DNAH14: variants seen among roughly 807,000 people sequenced by gnomAD.
The protein encoded by DNAH14 is dynein axonemal heavy chain 14.
A neutral mutation model predicts 520.9 loss-of-function variants in DNAH14; 478 were observed. The ratio of observed to expected loss-of-function variants is 0.92; its 90% CI spans 0.85 to 0.99. The LOEUF (loss-of-function observed/expected upper bound fraction) is 0.99, where lower values mean the gene tolerates loss of function less well. Ranked by LOEUF, DNAH14 falls within the 50% of genes least tolerant of loss-of-function variation. The pLI is 0.00. For missense variants in DNAH14, 4,831 were observed against 5,234.5 expected (o/e 0.92, Z 2.38); for synonymous variants, 1,581 against 1,757.2 (o/e 0.90, Z 2.51).
At position 225,324,803 on chromosome 1, in the gene DNAH14, C is replaced by T. The variant is rs1034741407; in HGVS notation, c.9694C>T (p.Leu3232Phe). Residue 3232 changes from leucine to phenylalanine, a missense_variant, in exon 64 of 86, where the codon CTT becomes TTT. Coordinates refer to ENST00000682510, the MANE Select transcript of DNAH14 (RefSeq NM_001367479.1). ...QNVLKIARQRLAEKQRGLQLV... is the reference protein window; with the variant it reads ...QNVLKIARQRFAEKQRGLQLV... ...CGTCCTTAAAATTGCGCGACAAAGA[C>T]TTGCTGAGAAACAAAGAGGTTTACA... is the stretch of plus-strand genomic sequence containing the variant. 2.0e-5 allele frequency: 31 copies of T among 1,551,314 alleles called. No individual in the cohort carries two copies. Among genetic ancestry groups the T allele is most frequent in the Non-Finnish European group, 2.7e-5 (31 of 1,146,912 alleles).
rs2095080144 is a variant in DNAH14 at position 225,337,421 on chromosome 1, G to T, written c.10236G>T (p.Lys3412Asn). 6.4e-7 allele frequency: 1 copy of T among 1,551,572 alleles called. No individual in the cohort carries two copies. The highest frequency in any genetic ancestry group is 1.4e-5 in the African/African-American group (1 of 73,006). The change falls in exon 67 of 86, where the codon AAG becomes AAT. Residue 3412 changes from lysine (K) to asparagine (N), a missense_variant. Transcript: ENST00000682510. ...IRQMEGSRLQ[K>N]LSIEDSNYTK... ...AGATGGAAGGATCCAGGCTGCAGAA[G>T]CTCTCCATTGAAGACAGCAATTATA...
At chr1:224,994,343 A>G (rs1356529862) in intron 8 of DNAH14, among the ~76,000 whole-genome samples, 1 of 151,992 alleles carries the variant, frequency 6.6e-6, no homozygotes, top group Non-Finnish European at 1.5e-5. Context: ...TTTGCTTGAT[A>G]TATTTAAGGT....
chr1:224,947,019 G>C (rs959221616), intron 1 of DNAH14, among the ~76,000 whole-genome samples: 2 of 150,162 alleles, frequency 1.3e-5, no homozygotes, highest in African/African-American at 2.5e-5. Context: ...CCAGGTTCCA[G>C]TGATTCTCCT....
At chr1:225,070,047 A>T (rs182557574) in intron 17 of DNAH14, among the ~76,000 whole-genome samples, 3 of 151,966 alleles carry the variant, frequency 2.0e-5, no homozygotes, top group Non-Finnish European at 4.4e-5. Context: ...GGGGTCAGTG[A>T]TAATATCTCA....
chr1:225,027,318 C>T (rs879683094), intron 11 of DNAH14, among the ~76,000 whole-genome samples: 2 of 152,078 alleles, frequency 1.3e-5, no homozygotes, highest in Admixed American at 6.6e-5. Flanking sequence ...AAGCGAACAT[C>T]CCTGTCTTGT....
At chr1:225,136,848 C>CCTTATCATT (rs2078989919) in intron 27 of DNAH14, among the ~76,000 whole-genome samples, 1 of 152,228 alleles carries the variant, frequency 6.6e-6, no homozygotes, top group East Asian at 1.9e-4. Flanking sequence ...TTTGTTCATT[C>CCTTATCATT]CTTATCATTC....
At chr1:225,210,115 G>C (rs568164878) in intron 41 of DNAH14, among the ~76,000 whole-genome samples, 1 of 147,578 alleles carries the variant, frequency 6.8e-6, no homozygotes, top group South Asian at 2.3e-4. Flanking sequence ...GTTTTTCTTC[G>C]TACCCCAGTG....
At position 225,024,293 on chromosome 1, in the gene DNAH14, G is replaced by A. The variant is rs894860193; in HGVS notation, c.1358+428G>A. 425 of 979,636 alleles carry A rather than the reference G, an allele frequency of 4.3e-4. No individual in the cohort carries two copies. The Middle Eastern group carries it at 6.3e-3, about 15-fold the overall frequency. 60.7% of individuals were successfully genotyped at this position (979,636 alleles called of 1,614,324 possible). On this transcript the variant is annotated intron_variant, in intron 11 of 85. Coordinates refer to ENST00000682510, the MANE Select transcript of DNAH14 (RefSeq NM_001367479.1). ...TGGAAGGAGCTACAAAGTCCAATTGGAATTTGAGTCAATTCCAAGAAATAT... is the reference window on the plus strand; with the variant it reads ...TGGAAGGAGCTACAAAGTCCAATTGAAATTTGAGTCAATTCCAAGAAATAT...
chr1:225,331,169 G>C (rs1166909980), intron 64 of DNAH14, among the ~76,000 whole-genome samples: 1 of 151,606 alleles, frequency 6.6e-6, no homozygotes, highest in Non-Finnish European at 1.5e-5. Context: ...AAATAAATCA[G>C]AAATTGATGA....
At chr1:225,226,793 T>C (rs1245278636) in intron 41 of DNAH14, among the ~76,000 whole-genome samples, 1 of 152,194 alleles carries the variant, frequency 6.6e-6, no homozygotes, top group African/African-American at 2.4e-5. Flanking sequence ...TCATTATCTC[T>C]ACTATTCTGG....
chr1:225,386,108 G>A lies in DNAH14; in HGVS notation c.13078-2271G>A, dbSNP rs12066499. On this transcript the variant is annotated intron_variant, in intron 81 of 85. Transcript: ENST00000682510. ...ACAACCATCTGATCTTTGAGAAACCGGACAAAAACAAGCAATGGGGAAACG... is the reference window on the plus strand; with the variant it reads ...ACAACCATCTGATCTTTGAGAAACCAGACAAAAACAAGCAATGGGGAAACG... Among the ~76,000 whole-genome samples, 238 of 152,140 alleles carry A rather than the reference G, an allele frequency of 1.6e-3. 1 individual carries two copies. Among genetic ancestry groups the A allele is most frequent in the African/African-American group, 5.2e-3 (215 of 41,506 alleles).
chr1:225,107,257 C>T (rs150006985), intron 23 of DNAH14, among the ~76,000 whole-genome samples: 5,573 of 152,238 alleles, frequency 0.037, 309 homozygotes, highest in African/African-American at 0.13. Flanking sequence ...CAGAGGAGTA[C>T]CTGGCCGTGT....
intron 23 of DNAH14, among the ~76,000 whole-genome samples, chr1:225,111,524 T>C (rs1573182775): frequency 6.6e-6 from 1 of 152,118 alleles, no homozygotes; most frequent in African/African-American, 2.4e-5. Flanking sequence ...TGTGTGCCTT[T>C]ATAGGTGAAG....
Position 225,206,128 on chromosome 1 carries a change from T to C in DNAH14, c.6135T>C (p.Asn2045=). 1 of 1,551,418 alleles carries C rather than the reference T, an allele frequency of 6.4e-7. No individual in the cohort carries two copies. Among genetic ancestry groups the C allele is most frequent in the South Asian group, 1.2e-5 (1 of 84,046 alleles). The part of the protein sequence containing the change: ...NKIRVIFEVD[N]LSQASPATVS... ...TAAGAGTGATTTTTGAAGTGGACAATCTCTCTCAGGCCAGTCCTGCTACTG... is the reference window on the plus strand; with the variant it reads ...TAAGAGTGATTTTTGAAGTGGACAACCTCTCTCAGGCCAGTCCTGCTACTG... The change falls in exon 40 of 86, where the codon AAT becomes AAC. Residue 2045 remains asparagine (N), a synonymous_variant. Transcript: ENST00000682510.
intron 46 of DNAH14, among the ~76,000 whole-genome samples, chr1:225,262,649 G>T (rs1171675030): frequency 1.3e-5 from 2 of 151,960 alleles, no homozygotes; most frequent in Non-Finnish European, 2.9e-5. Flanking sequence ...AGATCAGTTG[G>T]TTGTAAGTAT....
rs1329883487 is a variant in DNAH14, at chr1:225,332,471, A to G, written c.9865-820A>G. 3.3e-5 allele frequency among the ~76,000 whole-genome samples: 5 copies of G among 152,256 alleles called. 1 individual carries two copies. The South Asian group carries it at 1.0e-3, about 32-fold the overall frequency. On this transcript the variant is annotated intron_variant, in intron 65 of 85. Coordinates refer to ENST00000682510, the MANE Select transcript of DNAH14 (RefSeq NM_001367479.1). ...ACATACGTGATCAAAGAGGCCATAT[A>G]CAGCCAGAGAATATGGGTTCAGATC...
Position 225,050,312 on chromosome 1 carries a change from A to C in DNAH14, c.2015A>C (p.Lys672Thr). The change falls in exon 16 of 86, where the codon AAA becomes ACA. Residue 672 changes from lysine to threonine, a missense_variant. By Grantham distance (78) the Lys-to-Thr change is moderately conservative. Coordinates refer to ENST00000682510, the MANE Select transcript of DNAH14 (RefSeq NM_001367479.1). Reference protein sequence around the residue: ...PNKTGSIIHYKEQTRWPDCHI... With the variant: ...PNKTGSIIHYTEQTRWPDCHI... ...AAGACAGGAAGCATAATACATTATA[A>C]AGAGCAGACCAGATGGCCAGATTGT... is the stretch of plus-strand genomic sequence containing the variant. 6.5e-7 allele frequency: 1 copy of C among 1,549,428 alleles called. No homozygotes were observed. The highest frequency in any genetic ancestry group is 8.7e-7 in the Non-Finnish European group (1 of 1,146,250).
chr1:225,020,366 A>G lies in DNAH14; in HGVS notation c.1108-3249A>G, dbSNP rs2065571964. Among the ~76,000 whole-genome samples the G allele has an allele frequency of 2.0e-5, 3 of 151,634 alleles. No individual in the cohort carries two copies. The South Asian group carries it at 6.2e-4, about 32-fold the overall frequency. ...ACAAAAATTAGCCAGGTGTGGTGGC[A>G]TGTGTCTGTAGTTTCAGCTACTCAG... On this transcript the variant is annotated intron_variant, in intron 10 of 85. Coordinates refer to ENST00000682510, the MANE Select transcript of DNAH14 (RefSeq NM_001367479.1).
At chr1:225,270,425 A>G (rs543858746) in intron 49 of DNAH14, among the ~76,000 whole-genome samples, 40 of 152,262 alleles carry the variant, frequency 2.6e-4, no homozygotes, top group African/African-American at 9.4e-4. Context: ...TACATATATA[A>G]CAAACCTGCA....
Sources: gnomAD v4.1 joint callset for allele counts (sites outside exome capture counted in the v4.1 genomes callset) on GRCh38, gnomAD v4.1.1 for gene constraint, MANE v1.5 for transcripts, NCBI Gene and HGNC (gene_info 2026-07-23, HGNC 2026-07-21) for gene names.